The following TENM4 variants were observed in gnomAD, a reference collection of about 807,000 sequenced individuals.
The protein encoded by TENM4 is teneurin-4.
Under a neutral mutation model 243.3 loss-of-function variants are expected in TENM4, and 82 were observed. That is an observed-to-expected ratio of 0.34 (90% CI 0.28 to 0.40). TENM4 has a LOEUF of 0.40. Ranked by LOEUF, TENM4 falls within the 10% of genes least tolerant of loss-of-function variation. TENM4 has a pLI of 1.00. For missense variants in TENM4, 3,138 were observed against 3,673.3 expected (o/e 0.85, Z 3.77); for synonymous variants, 1,412 against 1,456.3 (o/e 0.97, Z 0.69).
At chr11:79,301,025 C>T (rs1020273415) in intron 1 of TENM4, among the ~76,000 whole-genome samples, 2 of 152,156 alleles carry the variant, frequency 1.3e-5, no homozygotes, top group African/African-American at 2.4e-5. Context: ...TCCTTTCCCT[C>T]CCTCTCCATC....
intron 6 of TENM4, among the ~76,000 whole-genome samples, chr11:78,995,300 C>T (rs905289325): frequency 2.0e-5 from 3 of 152,054 alleles, no homozygotes; most frequent in African/African-American, 7.3e-5. Flanking sequence ...GTTTGCATGC[C>T]ATGTCAAGAG....
intron 1 of TENM4, among the ~76,000 whole-genome samples, chr11:79,382,330 C>T (rs1329173024): frequency 6.6e-6 from 1 of 152,186 alleles, no homozygotes; most frequent in African/African-American, 2.4e-5. Flanking sequence ...GCTTCAGACA[C>T]ATGCTCTTTT....
At chr11:79,155,185 A>G (rs1419212260) in intron 3 of TENM4, among the ~76,000 whole-genome samples, 2 of 152,152 alleles carry the variant, frequency 1.3e-5, no homozygotes, top group African/African-American at 4.8e-5. Context: ...CGGGACCCAG[A>G]AGAGGGACAG....
intron 28 of TENM4, among the ~76,000 whole-genome samples, chr11:78,700,021 C>T (rs966649910): frequency 2.6e-5 from 4 of 152,168 alleles, no homozygotes; most frequent in Non-Finnish European, 5.9e-5. Flanking sequence ...TTAACAAGGT[C>T]CTTGTTTGGA....
chr11:79,180,980 C>T (rs887785240), intron 3 of TENM4, among the ~76,000 whole-genome samples: 2 of 145,238 alleles, frequency 1.4e-5, no homozygotes, highest in African/African-American at 2.5e-5. Flanking sequence ...GTACCAGGCC[C>T]ACATGTGTTT....
At chr11:78,948,024 C>A (rs969475728) in intron 6 of TENM4, among the ~76,000 whole-genome samples, 1 of 152,228 alleles carries the variant, frequency 6.6e-6, no homozygotes, top group Admixed American at 6.5e-5. Flanking sequence ...TTCCAAAACC[C>A]AATTGCTATT....
chr11:78,911,085 A>G (rs1357797486), intron 6 of TENM4, among the ~76,000 whole-genome samples: 1 of 152,238 alleles, frequency 6.6e-6, no homozygotes, highest in Non-Finnish European at 1.5e-5. Context: ...CATTTTACAA[A>G]CAGTGATGAA....
intron 20 of TENM4, among the ~76,000 whole-genome samples, chr11:78,733,367 T>A (rs558890690): frequency 6.6e-6 from 1 of 152,300 alleles, no homozygotes; most frequent in South Asian, 2.1e-4. Context: ...CCTAGTTCTG[T>A]CTTCAATGTG....
intron 2 of TENM4, among the ~76,000 whole-genome samples, chr11:79,289,816 A>C (rs1460228293): frequency 2.0e-5 from 3 of 152,210 alleles, no homozygotes; most frequent in Non-Finnish European, 4.4e-5. Flanking sequence ...AGGAAGACTC[A>C]ACGTTAACCA....
intron 6 of TENM4, among the ~76,000 whole-genome samples, chr11:78,962,651 G>A (rs955913162): frequency 6.6e-6 from 1 of 152,166 alleles, no homozygotes; most frequent in Non-Finnish European, 1.5e-5. Flanking sequence ...CTGAAAACCC[G>A]GGGTCTAGTC....
At chr11:79,370,930 G>A (rs1288761703) in intron 1 of TENM4, among the ~76,000 whole-genome samples, 3 of 152,022 alleles carry the variant, frequency 2.0e-5, no homozygotes, top group Admixed American at 6.6e-5. Flanking sequence ...TAATACACTA[G>A]GAACTCCTTC....
intron 12 of TENM4, among the ~76,000 whole-genome samples, chr11:78,842,322 G>A (rs1252785700): frequency 2.6e-5 from 4 of 152,192 alleles, no homozygotes; most frequent in African/African-American, 9.7e-5. Context: ...TAATGTCCTG[G>A]AATGTCTTCC....
chr11:79,281,966 G>T (rs940089099), intron 2 of TENM4, among the ~76,000 whole-genome samples: 1 of 152,148 alleles, frequency 6.6e-6, no homozygotes. Flanking sequence ...CTTGGGCCTG[G>T]AAGGCCCTGT....
At chr11:79,428,364 T>C (rs1859098146) in intron 1 of TENM4, among the ~76,000 whole-genome samples, 1 of 152,212 alleles carries the variant, frequency 6.6e-6, no homozygotes. Flanking sequence ...AATCACCAAA[T>C]CATGCATAAG....
At chr11:78,766,091 A>G (rs913790611) in intron 18 of TENM4, among the ~76,000 whole-genome samples, 3 of 152,232 alleles carry the variant, frequency 2.0e-5, no homozygotes, top group Non-Finnish European at 4.4e-5. Flanking sequence ...CAGGAGAAAC[A>G]ACTGATATCT....
intron 3 of TENM4, among the ~76,000 whole-genome samples, chr11:79,174,293 TC>T (rs886353354): frequency 2.0e-5 from 3 of 152,056 alleles, no homozygotes; most frequent in Non-Finnish European, 4.4e-5. Flanking sequence ...CATGATGCTC[TC>T]GGGGGAGAGA....
chr11:78,916,401 C>A (rs192997930), intron 6 of TENM4, among the ~76,000 whole-genome samples: 1 of 152,172 alleles, frequency 6.6e-6, no homozygotes, highest in Non-Finnish European at 1.5e-5. Flanking sequence ...GCTATAGGGT[C>A]TCCAAGGGCA....
intron 19 of TENM4, among the ~76,000 whole-genome samples, chr11:78,754,395 G>A (rs983230794): frequency 2.0e-4 from 30 of 152,148 alleles, no homozygotes; most frequent in Non-Finnish European, 8.8e-5. Context: ...GGCTCATGGC[G>A]CTTAAGCAGC....
intron 16 of TENM4, among the ~76,000 whole-genome samples, chr11:78,786,587 T>C (rs1429666657): frequency 6.6e-6 from 1 of 152,184 alleles, no homozygotes; most frequent in African/African-American, 2.4e-5. Flanking sequence ...TCTGCCTCAT[T>C]CCTCAACACA....
Sources: allele counts gnomAD v4.1 joint callset (sites outside exome capture counted in the v4.1 genomes callset), GRCh38; gene constraint gnomAD v4.1.1; transcripts MANE v1.5; gene names NCBI Gene and HGNC (gene_info 2026-07-23, HGNC 2026-07-21).